RAD51: variants seen among roughly 807,000 people sequenced by gnomAD.
RAD51 encodes the protein RAD51 recombinase.
A neutral mutation model predicts 41.5 loss-of-function variants in RAD51; 14 were observed. That is an observed-to-expected ratio of 0.34 (90% CI 0.22 to 0.53). RAD51 has a LOEUF of 0.53. RAD51 is among the 20% of genes least tolerant of loss of function. The pLI is 0.95. For missense variants in RAD51, 234 were observed against 422.0 expected, an observed-to-expected ratio of 0.55 and a Z score of 3.90; for synonymous variants, 136 against 148.6, an observed-to-expected ratio of 0.92 and a Z score of 0.62.
rs141142316 is a variant in RAD51, at chr15:40,724,948, G to A, written c.531-3763G>A. ...CGCTCTGTCGCCCAGGCCGGACTGC[G>A]GACTGCAGTGGCGCAATCTCGGCTC... On this transcript the variant is annotated intron_variant, in intron 6 of 9. Coordinates refer to ENST00000267868, the MANE Select transcript of RAD51 (RefSeq NM_002875.5). 6.0e-3 allele frequency among the ~76,000 whole-genome samples: 817 copies of A among 135,542 alleles called. 12 individuals are homozygous for A. The highest frequency in any genetic ancestry group is 0.022 in the African/African-American group (761 of 34,694). The allele number at this position is 135,542 out of a possible 152,430, so 88.9% of individuals were successfully genotyped here. A position where few individuals can be genotyped will look rare whatever the true frequency, so the allele number is the denominator to read the frequency against.
intron 6 of RAD51, among the ~76,000 whole-genome samples, chr15:40,719,570 C>T (rs541128322): frequency 3.3e-5 from 5 of 152,304 alleles, no homozygotes; most frequent in African/African-American, 7.2e-5. Flanking sequence ...CTGTGGCTCA[C>T]GCCTGTAATC....
chr15:40,731,064 G>A lies in RAD51; in HGVS notation c.906G>A (p.Leu302=). 2 of 1,614,108 alleles carry A rather than the reference G, an allele frequency of 1.2e-6. 1 individual carries two copies. ...IAHASTTRLY[L]RKGRGETRIC... is the part of the protein sequence containing the mutation. ...TGTGTCTTTGGGTCAGATTGTATCT[G>A]AGGAAAGGAAGAGGGGAAACCAGAA... Residue 302 remains leucine, a synonymous_variant, in exon 10 of 10, where the codon CTG becomes CTA. Coordinates refer to ENST00000267868, the MANE Select transcript of RAD51 (RefSeq NM_002875.5).
At chr15:40,720,258 AT>A (rs985351154) in intron 6 of RAD51, among the ~76,000 whole-genome samples, 71 of 151,852 alleles carry the variant, frequency 4.7e-4, no homozygotes, top group African/African-American at 1.7e-3. Context: ...TAATTTTTGT[AT>A]TTTTAGAAGA....
Position 40,719,430 on chromosome 15 carries a change from C to G in RAD51, c.530+531C>G, listed in dbSNP as rs143392648. On this transcript the variant is annotated intron_variant, in intron 6 of 9. Transcript: ENST00000267868. ...AAAAAATCCAACTATATGTTTTCTT[C>G]CAGAGAAACCCTTTAGAAAGTAAAA... Among the ~76,000 whole-genome samples the G allele has an allele frequency of 6.5e-3, 983 of 152,168 alleles. 12 individuals are homozygous for G. Among genetic ancestry groups the G allele is most frequent in the African/African-American group, 0.022 (929 of 41,508 alleles).
At chr15:40,708,633 G>C (rs891024869) in intron 4 of RAD51, among the ~76,000 whole-genome samples, 58 of 152,218 alleles carry the variant, frequency 3.8e-4, no homozygotes, top group African/African-American at 1.2e-3. Flanking sequence ...ACCCAGGCTA[G>C]AGTGCACTGG....
chr15:40,715,301 G>A (rs904109751), intron 5 of RAD51, among the ~76,000 whole-genome samples: 1 of 152,210 alleles, frequency 6.6e-6, no homozygotes, highest in African/African-American at 2.4e-5. Flanking sequence ...GTTGCAGTGA[G>A]CTGAGATCGT....
intron 5 of RAD51, among the ~76,000 whole-genome samples, chr15:40,710,241 CAAAAAAAAA>C (rs71104728): frequency 0.015 from 649 of 44,252 alleles, 3 homozygotes; most frequent in African/African-American, 0.031. Context: ...GACTCTGTCT[CAAAAAAAAA>C]AAAAAAAAAA....
chr15:40,699,566 A>G (rs1392272863), intron 2 of RAD51, among the ~76,000 whole-genome samples: 3 of 152,256 alleles, frequency 2.0e-5, no homozygotes. Flanking sequence ...GATTACAGGC[A>G]TGAGCCACCA....
intron 6 of RAD51, among the ~76,000 whole-genome samples, chr15:40,721,546 T>C (rs1896273164): frequency 6.6e-6 from 1 of 152,150 alleles, no homozygotes; most frequent in Non-Finnish European, 1.5e-5. Context: ...TCTCGCTGTC[T>C]TGCCCTGGCT....
At chr15:40,701,534 C>T (rs1894994440) in intron 3 of RAD51, among the ~76,000 whole-genome samples, 1 of 151,764 alleles carries the variant, frequency 6.6e-6, no homozygotes, top group Non-Finnish European at 1.5e-5. Flanking sequence ...CACATGCCAC[C>T]ATGCCGGGGT....
At position 40,706,163 on chromosome 15, in the gene RAD51, C is replaced by A. The variant is rs765747584; in HGVS notation, c.226-14C>A. Reference sequence around the variant, plus strand: ...ATATTATTTTGTTGATTTAATATTTCTTATTTTTCCCAGGCTGAGGCAGCT... The same window carrying A: ...ATATTATTTTGTTGATTTAATATTTATTATTTTTCCCAGGCTGAGGCAGCT... On this transcript the variant is annotated splice_polypyrimidine_tract_variant and intron_variant, in intron 3 of 9. Coordinates refer to ENST00000267868, the MANE Select transcript of RAD51 (RefSeq NM_002875.5). 2.5e-6 allele frequency: 4 copies of A among 1,587,890 alleles called. No individual in the cohort carries two copies.
chr15:40,730,524 T>C (rs1041681033), intron 9 of RAD51, among the ~76,000 whole-genome samples: 1 of 132,578 alleles, frequency 7.5e-6, no homozygotes, highest in Non-Finnish European at 1.6e-5. Flanking sequence ...TTTTTTCTTT[T>C]TTTTTTTTTT....
chr15:40,727,701 T>A (rs1896656507), intron 6 of RAD51, among the ~76,000 whole-genome samples: 2 of 152,124 alleles, frequency 1.3e-5, no homozygotes, highest in South Asian at 4.1e-4. Flanking sequence ...CACCATACAT[T>A]CATGATCTAA....
intron 6 of RAD51, among the ~76,000 whole-genome samples, chr15:40,727,639 A>T (rs1480987243): frequency 6.6e-6 from 1 of 151,886 alleles, no homozygotes; most frequent in Non-Finnish European, 1.5e-5. Context: ...TTGAGGCAGA[A>T]CTAGAAGACT....
intron 5 of RAD51, among the ~76,000 whole-genome samples, chr15:40,717,589 CTT>C (rs1896053186): frequency 6.6e-6 from 1 of 152,054 alleles, no homozygotes; most frequent in Non-Finnish European, 1.5e-5. Context: ...ATTTACTTCT[CTT>C]TTCTTTCCTT....
At position 40,729,535 on chromosome 15, in the gene RAD51, C is replaced by T. The variant is rs147352002; in HGVS notation, c.675C>T (p.Thr225=). ...CACTGCTTATTGTAGACAGTGCCAC[C>T]GCCCTTTACAGAACAGACTACTCGG... The part of the protein sequence containing the change: ...RYALLIVDSA[T]ALYRTDYSGR... The change falls in exon 8 of 10, where the codon ACC becomes ACT. Residue 225 remains threonine, a synonymous_variant. Coordinates refer to ENST00000267868, the MANE Select transcript of RAD51 (RefSeq NM_002875.5). The T allele has an allele frequency of 6.4e-5, 103 of 1,613,820 alleles. No individual in the cohort carries two copies. The highest frequency in any genetic ancestry group is 8.1e-5 in the Non-Finnish European group (95 of 1,179,958).
chr15:40,698,233 G>A (rs1470079331), intron 1 of RAD51, among the ~76,000 whole-genome samples: 3 of 150,922 alleles, frequency 2.0e-5, no homozygotes, highest in Non-Finnish European at 4.4e-5. Context: ...TCTGTCATGA[G>A]GCTGGAGTAC....
At chr15:40,704,870 A>AT (rs1461736172) in intron 3 of RAD51, among the ~76,000 whole-genome samples, 4 of 151,694 alleles carry the variant, frequency 2.6e-5, no homozygotes, top group Non-Finnish European at 1.5e-5. Context: ...AAGTTTCACC[A>AT]TGTTGGTCAG....
At chr15:40,713,880 A>G (rs911207008) in intron 5 of RAD51, among the ~76,000 whole-genome samples, 1 of 152,134 alleles carries the variant, frequency 6.6e-6, no homozygotes, top group Non-Finnish European at 1.5e-5. Context: ...TGCTGGGATT[A>G]CAGGTGTGAG....
Sources: allele counts gnomAD v4.1 joint callset (sites outside exome capture counted in the v4.1 genomes callset), GRCh38; gene constraint gnomAD v4.1.1; transcripts MANE v1.5; gene names NCBI Gene and HGNC (gene_info 2026-07-23, HGNC 2026-07-21).